The following CMIP variants were observed in gnomAD, a reference collection of about 807,000 sequenced individuals.
CMIP encodes c-Maf inducing protein.
In CMIP, 13 loss-of-function variants were observed where a neutral mutation model predicts 97.3. The ratio of observed to expected loss-of-function variants is 0.13; its 90% confidence interval spans 0.09 to 0.21. CMIP has a LOEUF of 0.21. CMIP is among the 10% of genes least tolerant of loss of function. The pLI, the probability that CMIP is intolerant of heterozygous loss-of-function variation, is 1.00. For missense variants in CMIP, 847 were observed against 1,024.9 expected (o/e 0.83, Z 2.37); for synonymous variants, 538 against 436.3 (o/e 1.23, Z -2.91).
intron 1 of CMIP, among the ~76,000 whole-genome samples, chr16:81,542,218 A>G (rs1388223941): frequency 2.0e-5 from 3 of 152,168 alleles, no homozygotes; most frequent in Non-Finnish European, 4.4e-5. Flanking sequence ...TTGATTTTGA[A>G]GTTGAAGACT....
At chr16:81,644,552 G>A (rs547522331) in intron 3 of CMIP, among the ~76,000 whole-genome samples, 39 of 152,338 alleles carry the variant, frequency 2.6e-4, no homozygotes, top group African/African-American at 8.9e-4. Flanking sequence ...GACAGTCTCT[G>A]ATGCTCACCG....
intron 3 of CMIP, among the ~76,000 whole-genome samples, chr16:81,628,085 T>A (rs1387590483): frequency 1.3e-5 from 2 of 152,038 alleles, no homozygotes; most frequent in Non-Finnish European, 2.9e-5. Flanking sequence ...CCCTGACCCC[T>A]CACTGAGGGC....
intron 3 of CMIP, chr16:81,651,502 T>TAGGGACTAAACCTGGAA: frequency 2.5e-6 from 1 of 393,314 alleles, no homozygotes; most frequent in Non-Finnish European, 3.5e-6. Flanking sequence ...GCATTCCAGG[T>TAGGGACTAAACCTGGAA]TTAGTCCCTA....
intron 10 of CMIP, among the ~76,000 whole-genome samples, chr16:81,687,988 C>G (rs1164520788): frequency 6.6e-6 from 1 of 152,252 alleles, no homozygotes; most frequent in Admixed American, 6.5e-5. Flanking sequence ...TGAGCGAACA[C>G]AAGCAGTGCC....
chr16:81,658,571 G>C (rs970874688), intron 5 of CMIP, among the ~76,000 whole-genome samples: 5 of 152,234 alleles, frequency 3.3e-5, no homozygotes, highest in African/African-American at 7.2e-5. Context: ...GGTTTTGAAG[G>C]ATCAATAGGA....
At chr16:81,454,949 GC>G (rs1906453398) in intron 1 of CMIP, among the ~76,000 whole-genome samples, 1 of 152,214 alleles carries the variant, frequency 6.6e-6, no homozygotes, top group Non-Finnish European at 1.5e-5. Flanking sequence ...AAAGGGACAG[GC>G]CAGAGCGGCT....
intron 3 of CMIP, among the ~76,000 whole-genome samples, chr16:81,635,120 GGTTGCAATTAAGCAGCGTTGTT>G (rs2092217936): frequency 2.0e-5 from 3 of 152,124 alleles, no homozygotes; most frequent in Non-Finnish European, 4.4e-5. Flanking sequence ...TTATTTGGTG[GGTTGCAATTAAGCAGCGTTGTT>G]TCCTGAAATG....
intron 1 of CMIP, among the ~76,000 whole-genome samples, chr16:81,537,325 A>C (rs1211095271): frequency 6.6e-6 from 1 of 152,102 alleles, no homozygotes. Flanking sequence ...ACTTGAGGCC[A>C]GGAGTTCAAG....
chr16:81,533,892 C>T (rs1391660571), intron 1 of CMIP: 1 of 152,434 alleles, frequency 6.6e-6, no homozygotes, highest in East Asian at 1.9e-4. Flanking sequence ...CAGTGAACCT[C>T]TCCTGCCCTT....
chr16:81,478,731 C>T (rs1400650544), intron 1 of CMIP, among the ~76,000 whole-genome samples: 3 of 152,174 alleles, frequency 2.0e-5, no homozygotes, highest in Non-Finnish European at 4.4e-5. Flanking sequence ...ATTCAGTTCT[C>T]TTGTTCCTAT....
At chr16:81,623,122 T>C (rs1486983845) in intron 3 of CMIP, among the ~76,000 whole-genome samples, 2 of 152,154 alleles carry the variant, frequency 1.3e-5, no homozygotes, top group Non-Finnish European at 2.9e-5. Flanking sequence ...GAGGATCACT[T>C]GAGCCCAGGA....
chr16:81,683,603 T>A (rs1032689760), intron 10 of CMIP, among the ~76,000 whole-genome samples: 3 of 152,090 alleles, frequency 2.0e-5, no homozygotes, highest in Non-Finnish European at 1.5e-5. Flanking sequence ...TTGGCCAGGC[T>A]GGTCTCGAAC....
chr16:81,524,887 A>G (rs537920895), intron 1 of CMIP, among the ~76,000 whole-genome samples: 3 of 149,602 alleles, frequency 2.0e-5, no homozygotes, highest in Non-Finnish European at 4.4e-5. Context: ...TCCACCTCCC[A>G]GGTTCAAGTG....
chr16:81,642,590 C>A (rs1488145667), intron 3 of CMIP, among the ~76,000 whole-genome samples: 3 of 152,202 alleles, frequency 2.0e-5, no homozygotes, highest in African/African-American at 7.2e-5. Flanking sequence ...CAGCACTATT[C>A]ATGATAGCCT....
chr16:81,702,495 A>AC, intron 16 of CMIP, 127 bp from the exon 17 acceptor site: 1 of 953,210 alleles, frequency 1.0e-6, no homozygotes, highest in Non-Finnish European at 1.6e-6. Flanking sequence ...TGAGACCAAG[A>AC]CCACCGTGTT....
chr16:81,579,885 G>A (rs759888653), intron 1 of CMIP, among the ~76,000 whole-genome samples: 4 of 152,192 alleles, frequency 2.6e-5, no homozygotes, highest in Non-Finnish European at 5.9e-5. Context: ...GAACCCGGGA[G>A]GCGGAGCTTG....
chr16:81,597,896 C>T (rs536803790), intron 1 of CMIP, among the ~76,000 whole-genome samples: 1 of 152,086 alleles, frequency 6.6e-6, no homozygotes, highest in African/African-American at 2.4e-5. Flanking sequence ...GAGCCGTGTC[C>T]CTCTCCATCA....
chr16:81,555,887 A>G (rs1486817479), intron 1 of CMIP, among the ~76,000 whole-genome samples: 2 of 152,122 alleles, frequency 1.3e-5, no homozygotes, highest in African/African-American at 4.8e-5. Context: ...TCTAAAATGG[A>G]TCCATAATAA....
intron 1 of CMIP, among the ~76,000 whole-genome samples, chr16:81,579,391 T>C (rs1484817442): frequency 6.6e-6 from 1 of 152,220 alleles, no homozygotes; most frequent in Non-Finnish European, 1.5e-5. Flanking sequence ...CCCCTTCCTC[T>C]GTGCCCCAAA....
Sources: allele counts gnomAD v4.1 joint callset (sites outside exome capture counted in the v4.1 genomes callset), GRCh38; gene constraint gnomAD v4.1.1; transcripts MANE v1.5; gene names NCBI Gene and HGNC (gene_info 2026-07-23, HGNC 2026-07-21).